The following BCKDHB variants were observed in gnomAD, a reference collection of about 807,000 sequenced individuals.
BCKDHB encodes 2-oxoisovalerate dehydrogenase subunit beta, mitochondrial.
A neutral mutation model predicts 48.5 loss-of-function variants in BCKDHB; 41 were observed. That is an observed-to-expected ratio of 0.85 (90% CI 0.66 to 1.10). The LOEUF (loss-of-function observed/expected upper bound fraction) is 1.10. Among genes scored for constraint, BCKDHB ranks in the 50% least tolerant of loss-of-function variants. The pLI is 0.00. For missense variants in BCKDHB, 496 were observed against 494.2 expected (o/e 1.00, Z -0.03); for synonymous variants, 201 against 174.8 (o/e 1.15, Z -1.18).
chr6:80,311,694 A>G (rs982176045), intron 9 of BCKDHB, among the ~76,000 whole-genome samples: 1 of 152,064 alleles, frequency 6.6e-6, no homozygotes, highest in Non-Finnish European at 1.5e-5. Context: ...TTTTTTCTCC[A>G]TTGCTTGTTT....
chr6:80,122,359 C>T (rs1770073412), intron 1 of BCKDHB, among the ~76,000 whole-genome samples: 1 of 152,146 alleles, frequency 6.6e-6, no homozygotes, highest in African/African-American at 2.4e-5. Context: ...ATGATGTTAG[C>T]CTCATAAAAT....
the BCKDHB span, among the ~76,000 whole-genome samples, chr6:80,363,122 T>G: frequency 2.2e-4 from 33 of 152,134 alleles, no homozygotes; most frequent in Non-Finnish European, 4.1e-4. Flanking sequence ...CTACCTAAAG[T>G]CAGACAAGAT....
chr6:80,233,052 G>GTACT (rs1775999648), intron 8 of BCKDHB, among the ~76,000 whole-genome samples: 1 of 151,862 alleles, frequency 6.6e-6, no homozygotes, highest in African/African-American at 2.4e-5. Flanking sequence ...CTTTCTCTCA[G>GTACT]TACTCCCTGT....
intron 6 of BCKDHB, among the ~76,000 whole-genome samples, chr6:80,198,524 GA>G (rs1405818600): frequency 1.3e-5 from 2 of 151,608 alleles, no homozygotes; most frequent in African/African-American, 4.9e-5. Flanking sequence ...CATTGGATTG[GA>G]AATCTACAAA....
chr6:80,406,919 A>T, the BCKDHB span, among the ~76,000 whole-genome samples: 1 of 152,292 alleles, frequency 6.6e-6, no homozygotes, highest in East Asian at 1.9e-4. Flanking sequence ...TTTAGTCATG[A>T]AGTCCTTGCC....
At chr6:80,269,568 A>G (rs1485040660) in intron 8 of BCKDHB, among the ~76,000 whole-genome samples, 1 of 151,936 alleles carries the variant, frequency 6.6e-6, no homozygotes, top group Non-Finnish European at 1.5e-5. Context: ...ATAGCCCGGA[A>G]TCCAGGAACA....
intron 8 of BCKDHB, among the ~76,000 whole-genome samples, chr6:80,206,681 C>T (rs1309581398): frequency 1.3e-5 from 2 of 151,618 alleles, no homozygotes; most frequent in Non-Finnish European, 2.9e-5. Flanking sequence ...TAGATGATAG[C>T]AATAATGAAC....
the BCKDHB span, among the ~76,000 whole-genome samples, chr6:80,408,464 C>G: frequency 2.6e-5 from 4 of 151,918 alleles, no homozygotes; most frequent in Non-Finnish European, 5.9e-5. Context: ...TGGTAGAATT[C>G]GGCTGTGAAT....
chr6:80,201,146 C>G, intron 7 of BCKDHB, 115 bp downstream of exon 7: 3 of 834,926 alleles, frequency 3.6e-6, no homozygotes, highest in Non-Finnish European at 6.0e-6. Context: ...CAGATTAAGT[C>G]TGGTGCTACT....
the BCKDHB span, among the ~76,000 whole-genome samples, chr6:80,445,812 T>C: frequency 6.6e-6 from 1 of 152,204 alleles, no homozygotes; most frequent in Admixed American, 6.5e-5. Flanking sequence ...TTTAAAATTT[T>C]ATACACATTC....
At chr6:80,394,917 C>T in the BCKDHB span, among the ~76,000 whole-genome samples, 2 of 152,124 alleles carry the variant, frequency 1.3e-5, no homozygotes, top group African/African-American at 2.4e-5. Context: ...CTCAGGTGAT[C>T]TGATGGTTTT....
chr6:80,182,719 AT>A (rs1406332691), intron 6 of BCKDHB, among the ~76,000 whole-genome samples: 2 of 152,182 alleles, frequency 1.3e-5, no homozygotes, highest in East Asian at 3.8e-4. Context: ...TATGTGTAAC[AT>A]AAAAATATTG....
chr6:80,128,436 G>A (rs990726662), intron 2 of BCKDHB, among the ~76,000 whole-genome samples: 15 of 152,212 alleles, frequency 9.9e-5, no homozygotes, highest in South Asian at 4.1e-4. Context: ...GGTTAGGTAC[G>A]TTTATGAGAC....
At chr6:80,342,575 AAAAAGAAAG>A (rs1416293816) in intron 9 of BCKDHB, among the ~76,000 whole-genome samples, 2,074 of 145,702 alleles carry the variant, frequency 0.014, 95 homozygotes, top group Non-Finnish European at 0.024. Context: ...AAAAAAAAAA[AAAAAGAAAG>A]GGAAGAAAGG....
At chr6:80,257,824 C>T (rs532955977) in intron 8 of BCKDHB, among the ~76,000 whole-genome samples, 1 of 152,176 alleles carries the variant, frequency 6.6e-6, no homozygotes, top group South Asian at 2.1e-4. Context: ...AAGGATATAT[C>T]CCAGCCCAGC....
chr6:80,123,828 C>G (rs888821634), intron 1 of BCKDHB, among the ~76,000 whole-genome samples: 2 of 152,088 alleles, frequency 1.3e-5, no homozygotes, highest in African/African-American at 4.8e-5. Context: ...TTTTGTTGAT[C>G]TTTTCAAAAA....
chr6:80,205,430 A>G (rs560407934), intron 8 of BCKDHB, among the ~76,000 whole-genome samples: 3 of 152,076 alleles, frequency 2.0e-5, no homozygotes, highest in Admixed American at 6.6e-5. Context: ...CTGATCAAGA[A>G]AAGAAAGCAT....
chr6:80,229,493 G>T (rs1221984920), intron 8 of BCKDHB, among the ~76,000 whole-genome samples: 1 of 152,144 alleles, frequency 6.6e-6, no homozygotes, highest in Non-Finnish European at 1.5e-5. Flanking sequence ...AGCAAAGATT[G>T]TAAGAGATGA....
chr6:80,422,729 G>A, the BCKDHB span, among the ~76,000 whole-genome samples: 1 of 152,114 alleles, frequency 6.6e-6, no homozygotes, highest in Admixed American at 6.5e-5. Context: ...ACTTGCATAG[G>A]GATGGTGGCC....
Sources: gnomAD v4.1 joint callset for allele counts (sites outside exome capture counted in the v4.1 genomes callset) on GRCh38, gnomAD v4.1.1 for gene constraint, MANE v1.5 for transcripts, NCBI Gene and HGNC (gene_info 2026-07-23, HGNC 2026-07-21) for gene names.